Variants in NRP1 observed in about 807,000 individuals in gnomAD.
NRP1 encodes neuropilin-1.
Under a neutral mutation model 106.7 loss-of-function variants are expected in NRP1, and 35 were observed. That is an observed-to-expected ratio of 0.33 (90% CI 0.25 to 0.43). The LOEUF (loss-of-function observed/expected upper bound fraction) is 0.43. Among genes scored for constraint, NRP1 ranks in the 20% least tolerant of loss-of-function variants. The pLI is 1.00. For missense variants in NRP1, 1,024 were observed against 1,170.4 expected, an observed-to-expected ratio of 0.87 and a Z score of 1.83; for synonymous variants, 437 against 417.9, an observed-to-expected ratio of 1.05 and a Z score of -0.56.
intron 3 of NRP1, among the ~76,000 whole-genome samples, chr10:33,267,291 T>C (rs1333098200): frequency 6.6e-6 from 1 of 152,076 alleles, no homozygotes. Context: ...ACACAGGAGA[T>C]GAGAATACAA....
intron 10 of NRP1, among the ~76,000 whole-genome samples, chr10:33,203,350 A>C (rs530344512): frequency 1.3e-5 from 2 of 152,358 alleles, no homozygotes; most frequent in South Asian, 4.1e-4. Flanking sequence ...ATTTTGCTTG[A>C]AACGTTTTCC....
chr10:33,231,574 G>A (rs1010215879), intron 6 of NRP1, among the ~76,000 whole-genome samples: 4 of 152,048 alleles, frequency 2.6e-5, no homozygotes, highest in African/African-American at 9.7e-5. Flanking sequence ...TGAATATTTA[G>A]GTATTGGATC....
intron 2 of NRP1, among the ~76,000 whole-genome samples, chr10:33,320,798 A>G (rs1842127671): frequency 6.6e-6 from 1 of 152,200 alleles, no homozygotes; most frequent in South Asian, 2.1e-4. Flanking sequence ...TAAGTAAGAC[A>G]TGGTTTTTGT....
intron 5 of NRP1, among the ~76,000 whole-genome samples, chr10:33,255,247 C>A (rs1481529827): frequency 1.3e-5 from 2 of 152,154 alleles, no homozygotes; most frequent in Admixed American, 6.5e-5. Flanking sequence ...CAATTATTTA[C>A]AGGCACAAAA....
At chr10:33,251,284 C>T (rs1193727046) in intron 6 of NRP1, among the ~76,000 whole-genome samples, 1 of 152,216 alleles carries the variant, frequency 6.6e-6, no homozygotes, top group African/African-American at 2.4e-5. Context: ...TGCTTCCCCT[C>T]TGCCATGATT....
At chr10:33,272,967 T>C (rs1251598460) in intron 2 of NRP1, among the ~76,000 whole-genome samples, 2 of 151,942 alleles carry the variant, frequency 1.3e-5, no homozygotes, top group Non-Finnish European at 2.9e-5. Flanking sequence ...TCAGCTAATA[T>C]AGTGCCGGTG....
Position 33,231,293 on chromosome 10 carries a change from A to G in NRP1, c.982-5004T>C, listed in dbSNP as rs149088798. 3.2e-4 allele frequency among the ~76,000 whole-genome samples: 48 copies of G among 152,254 alleles called. No homozygotes were observed. The East Asian group carries it at 8.5e-3, about 27-fold the overall frequency. On this transcript the variant is annotated intron_variant, in intron 6 of 16. Coordinates refer to ENST00000374867, the MANE Select transcript of NRP1 (RefSeq NM_003873.7). ...AGCATCTGTTTTTCCCTGCAGAAAA[A>G]CTAATAAATGCCTACTGAAAATTCA...
At chr10:33,197,868 C>A (rs1836902481) in intron 11 of NRP1, among the ~76,000 whole-genome samples, 159 bp from the exon 12 acceptor site, 1 of 151,760 alleles carries the variant, frequency 6.6e-6, no homozygotes, top group Non-Finnish European at 1.5e-5. Context: ...ATTTTGCTCA[C>A]CACAATATCA....
At position 33,255,714 on chromosome 10, in the gene NRP1, A is replaced by C. The variant is rs546989883; in HGVS notation, c.814+602T>G. 3.9e-5 allele frequency among the ~76,000 whole-genome samples: 6 copies of C among 152,280 alleles called. No homozygotes were observed. The East Asian group carries it at 1.2e-3, about 29-fold the overall frequency. On this transcript the variant is annotated intron_variant, in intron 5 of 16. Coordinates refer to ENST00000374867, the MANE Select transcript of NRP1 (RefSeq NM_003873.7). Reference sequence around the variant, plus strand: ...CAATCCTCCTGCCTCGCCCTCCCAAAGCACTGGGATTACAGAGTGAGCCAC... The same window carrying C: ...CAATCCTCCTGCCTCGCCCTCCCAACGCACTGGGATTACAGAGTGAGCCAC...
intron 12 of NRP1, 79 bp downstream of exon 12, chr10:33,197,571 G>A: frequency 9.0e-7 from 1 of 1,116,908 alleles, no homozygotes; most frequent in Non-Finnish European, 1.3e-6. Flanking sequence ...GACTTTCAGA[G>A]AAACTGAAAG....
In NRP1 at chr10:33,213,557, G is replaced by A; in HGVS notation, c.1443C>T (p.Ile481=). 1 of 1,614,112 alleles carries A rather than the reference G, an allele frequency of 6.2e-7. No homozygotes were observed. Among genetic ancestry groups the A allele is most frequent in the Middle Eastern group, 1.6e-4 (1 of 6,062 alleles). Residue 481 remains isoleucine, a synonymous_variant, in exon 9 of 17, where the codon ATC becomes ATT. Coordinates refer to ENST00000374867, the MANE Select transcript of NRP1 (RefSeq NM_003873.7). ...WALPPAPHSY[I]NEWLQIDLGE... ...CCAGGTCTATTTGGAGCCACTCATT[G>A]ATGTAGGAATGAGGTGCGGGTGGAA...
intron 2 of NRP1, among the ~76,000 whole-genome samples, chr10:33,285,022 T>A (rs1844413540): frequency 6.6e-6 from 1 of 152,246 alleles, no homozygotes; most frequent in Non-Finnish European, 1.5e-5. Context: ...GGCAATCTAG[T>A]TCTTTCTCCT....
intron 4 of NRP1, among the ~76,000 whole-genome samples, chr10:33,260,038 T>C (rs1842469192): frequency 1.3e-5 from 2 of 151,996 alleles, no homozygotes; most frequent in African/African-American, 2.4e-5. Context: ...AATTTTTTTT[T>C]GTAGAGACAG....
chr10:33,261,670 C>T (rs1842582573), intron 4 of NRP1, among the ~76,000 whole-genome samples: 1 of 152,168 alleles, frequency 6.6e-6, no homozygotes, highest in African/African-American at 2.4e-5. Context: ...TACTGAGGAA[C>T]ATAGCTAAAT....
At chr10:33,208,420 C>A (rs143395047) in intron 9 of NRP1, among the ~76,000 whole-genome samples, 2,884 of 152,294 alleles carry the variant, frequency 0.019, 57 homozygotes, top group Non-Finnish European at 0.024. Context: ...AGGAGCTTGG[C>A]CACCCACTGC....
intron 2 of NRP1, among the ~76,000 whole-genome samples, chr10:33,278,267 A>G (rs749502708): frequency 2.6e-5 from 4 of 152,076 alleles, no homozygotes; most frequent in Non-Finnish European, 5.9e-5. Flanking sequence ...TTATCACCCA[A>G]ACTCAGATTC....
At chr10:33,285,118 T>G (rs1844421242) in intron 2 of NRP1, among the ~76,000 whole-genome samples, 1 of 152,238 alleles carries the variant, frequency 6.6e-6, no homozygotes, top group South Asian at 2.1e-4. Context: ...ACAAGTACGA[T>G]GCTGATACCT....
chr10:33,236,761 C>T (rs1044600237), intron 6 of NRP1, among the ~76,000 whole-genome samples: 2 of 152,180 alleles, frequency 1.3e-5, no homozygotes, highest in Non-Finnish European at 2.9e-5. Context: ...GTGATCTCTG[C>T]ACATAATTCA....
At chr10:33,226,005 A>C in intron 7 of NRP1, 129 bp downstream of exon 7, 1 of 1,027,312 alleles carries the variant, frequency 9.7e-7, no homozygotes, top group Middle Eastern at 2.2e-4. Flanking sequence ...TAAACCTCTA[A>C]TTGCACTTTT....
Sources: allele counts gnomAD v4.1 joint callset (sites outside exome capture counted in the v4.1 genomes callset), GRCh38; gene constraint gnomAD v4.1.1; transcripts MANE v1.5; gene names NCBI Gene and HGNC (gene_info 2026-07-23, HGNC 2026-07-21).